STK4: variants seen among roughly 807,000 people sequenced by gnomAD.
The protein encoded by STK4 is serine/threonine kinase 4, also known as serine/threonine-protein kinase 4.
Under a neutral mutation model 64.9 loss-of-function variants are expected in STK4, and 30 were observed. The observed-to-expected ratio is 0.46, with a 90% confidence interval of 0.35 to 0.63. The LOEUF (loss-of-function observed/expected upper bound fraction) is 0.63, where lower values mean the gene tolerates loss of function less well. Ranked by LOEUF, STK4 falls within the 20% of genes least tolerant of loss-of-function variation. The pLI is 0.01. For missense variants in STK4, 466 were observed against 598.5 expected, an observed-to-expected ratio of 0.78 and a Z score of 2.31; for synonymous variants, 177 against 199.0, an observed-to-expected ratio of 0.89 and a Z score of 0.93.
chr20:45,069,154 C>T (rs1979838845), intron 10 of STK4, among the ~76,000 whole-genome samples: 1 of 152,166 alleles, frequency 6.6e-6, no homozygotes, highest in African/African-American at 2.4e-5. Context: ...GGCTCGGAGC[C>T]CGTCCTCTTC....
chr20:45,031,860 A>G (rs6031941), intron 10 of STK4, among the ~76,000 whole-genome samples: 64,581 of 148,158 alleles, frequency 0.44, 14,611 homozygotes, highest in Middle Eastern at 0.53. Context: ...AGCCGAGATC[A>G]TGCCACTGCA....
At chr20:45,011,708 C>CAT (rs749788988) in intron 9 of STK4, among the ~76,000 whole-genome samples, 163 of 86,872 alleles carry the variant, frequency 1.9e-3, no homozygotes, top group South Asian at 3.3e-3. Flanking sequence ...GTAGAACATA[C>CAT]ATATATATAT....
At chr20:45,029,193 G>T (rs1490854488) in intron 10 of STK4, among the ~76,000 whole-genome samples, 2 of 152,130 alleles carry the variant, frequency 1.3e-5, no homozygotes, top group South Asian at 2.1e-4. Context: ...CTACATTATT[G>T]GTTAATGGTT....
At chr20:45,055,192 A>T (rs1055869079) in intron 10 of STK4, among the ~76,000 whole-genome samples, 8 of 152,154 alleles carry the variant, frequency 5.3e-5, no homozygotes, top group Non-Finnish European at 7.4e-5. Flanking sequence ...TAGGGAAAAC[A>T]CGTATATTCA....
intron 10 of STK4, among the ~76,000 whole-genome samples, chr20:45,032,014 T>C (rs926357738): frequency 2.6e-5 from 4 of 152,074 alleles, no homozygotes; most frequent in African/African-American, 9.7e-5. Context: ...CTAGAAGATG[T>C]AAGTCATGCA....
chr20:45,011,731 T>TA (rs1428985946), intron 9 of STK4, among the ~76,000 whole-genome samples: 5,636 of 80,960 alleles, frequency 0.07, 212 homozygotes, highest in Middle Eastern at 0.1. Context: ...ATATATATAT[T>TA]TTTTTTTTTT....
chr20:44,994,471 G>A (rs990408109), intron 5 of STK4, among the ~76,000 whole-genome samples: 2 of 150,920 alleles, frequency 1.3e-5, no homozygotes, highest in Non-Finnish European at 3.0e-5. Context: ...TTTCATGCTA[G>A]GAAAAGGTAT....
chr20:44,969,895 C>G (rs1240292732), intron 1 of STK4, among the ~76,000 whole-genome samples: 1 of 152,116 alleles, frequency 6.6e-6, no homozygotes, highest in Non-Finnish European at 1.5e-5. Context: ...AGTAATACTT[C>G]TTAGGTGAAA....
chr20:44,967,663 C>T (rs2067174662), intron 1 of STK4, among the ~76,000 whole-genome samples: 1 of 151,120 alleles, frequency 6.6e-6, no homozygotes, highest in Non-Finnish European at 1.5e-5. Context: ...AGGAAGTGTT[C>T]AGGGTGTGGA....
At chr20:45,018,245 C>G (rs963381029) in intron 9 of STK4, among the ~76,000 whole-genome samples, 1 of 152,124 alleles carries the variant, frequency 6.6e-6, no homozygotes, top group Non-Finnish European at 1.5e-5. Flanking sequence ...TGCAAACATT[C>G]ATGCATGAAA....
At chr20:45,022,629 A>G (rs571192435) in intron 9 of STK4, among the ~76,000 whole-genome samples, 16 of 152,340 alleles carry the variant, frequency 1.1e-4, no homozygotes, top group African/African-American at 3.8e-4. Flanking sequence ...TTAGTGTTTC[A>G]TCATCCTTGG....
At chr20:44,994,650 A>G (rs1322075051) in intron 5 of STK4, among the ~76,000 whole-genome samples, 3 of 152,140 alleles carry the variant, frequency 2.0e-5, no homozygotes, top group African/African-American at 4.8e-5. Flanking sequence ...ATACTTGAAC[A>G]TAAGATAGAT....
At chr20:45,032,359 A>T (rs146140060) in intron 10 of STK4, among the ~76,000 whole-genome samples, 16 of 152,276 alleles carry the variant, frequency 1.1e-4, no homozygotes. Context: ...TGTACAGATT[A>T]TTTCATCACA....
chr20:44,971,895 T>G (rs2067254273), intron 1 of STK4, among the ~76,000 whole-genome samples, 183 bp from the exon 2 acceptor site: 1 of 152,030 alleles, frequency 6.6e-6, no homozygotes, highest in East Asian at 1.9e-4. Flanking sequence ...ATGGTCTCGA[T>G]CTCCTGATCT....
At chr20:44,992,954 C>G (rs2067662236) in intron 5 of STK4, among the ~76,000 whole-genome samples, 1 of 152,124 alleles carries the variant, frequency 6.6e-6, no homozygotes, top group Non-Finnish European at 1.5e-5. Flanking sequence ...CCTCTGCCTC[C>G]CAAAGTGCTG....
chr20:45,050,676 A>G lies in STK4; in HGVS notation c.1306-24342A>G, dbSNP rs576725284. On this transcript the variant is annotated intron_variant, in intron 10 of 10. Coordinates refer to ENST00000372806, the MANE Select transcript of STK4 (RefSeq NM_006282.5). ...CAAGTCAGGTTATGAACCTTTTAAC[A>G]TATGTGGTAAAGATATTCTGCTAGA... Among the ~76,000 whole-genome samples, 25 of 152,210 alleles carry G rather than the reference A, an allele frequency of 1.6e-4. 1 individual carries two copies. The South Asian group carries it at 4.1e-3, about 25-fold the overall frequency.
rs1331647621 is a variant in STK4 at position 45,078,466 on chromosome 20, A to G, written c.*3290A>G. On this transcript the variant is annotated 3_prime_UTR_variant, in exon 11 of 11. Coordinates refer to ENST00000372806, the MANE Select transcript of STK4 (RefSeq NM_006282.5). ...GTGATCCACCCGCCTCGGCCTCCCA[A>G]AGTGCTGGGATTACAGGCGTGAGCC... 1.3e-5 allele frequency: 2 copies of G among 152,016 alleles called. No individual in the cohort carries two copies. Among genetic ancestry groups the G allele is most frequent in the Non-Finnish European group, 2.9e-5 (2 of 68,044 alleles). 9.4% of individuals were successfully genotyped at this position (152,016 alleles called of 1,614,324 possible). A position where few individuals can be genotyped will look rare whatever the true frequency, so the allele number is the denominator to read the frequency against.
chr20:45,072,858 AC>A (rs1290543732), intron 10 of STK4, among the ~76,000 whole-genome samples: 19 of 152,388 alleles, frequency 1.2e-4, no homozygotes, highest in Non-Finnish European at 2.2e-4. Context: ...AGCAACAATA[AC>A]AACAGTGATA....
At chr20:45,062,838 C>G (rs1364829657) in intron 10 of STK4, among the ~76,000 whole-genome samples, 2 of 143,990 alleles carry the variant, frequency 1.4e-5, no homozygotes, top group Non-Finnish European at 1.5e-5. Context: ...CCACCACGCC[C>G]GGCTATTTTT....
Sources: gnomAD v4.1 joint callset for allele counts (sites outside exome capture counted in the v4.1 genomes callset) on GRCh38, gnomAD v4.1.1 for gene constraint, MANE v1.5 for transcripts, NCBI Gene and HGNC (gene_info 2026-07-23, HGNC 2026-07-21) for gene names.